Variants in NTM observed in about 807,000 individuals in gnomAD.
The protein encoded by NTM is IgLON family member 2.
Under a neutral mutation model 42.1 loss-of-function variants are expected in NTM, and 13 were observed. The ratio of observed to expected loss-of-function variants is 0.31; its 90% CI spans 0.20 to 0.49. The LOEUF (loss-of-function observed/expected upper bound fraction) is 0.49. Among genes scored for constraint, NTM ranks in the 20% least tolerant of loss-of-function variants. The pLI is 0.99. For missense variants in NTM, 373 were observed against 452.8 expected, an observed-to-expected ratio of 0.82 and a Z score of 1.60; for synonymous variants, 187 against 179.2, an observed-to-expected ratio of 1.04 and a Z score of -0.35.
At chr11:131,428,262 C>A (rs1251199872) in intron 1 of NTM, among the ~76,000 whole-genome samples, 2 of 152,336 alleles carry the variant, frequency 1.3e-5, no homozygotes, top group Middle Eastern at 3.4e-3. Flanking sequence ...CTCTGCCCAC[C>A]TCCTTATTCA....
At chr11:132,276,080 G>A (rs140821849) in intron 4 of NTM, among the ~76,000 whole-genome samples, 5 of 151,706 alleles carry the variant, frequency 3.3e-5, no homozygotes, top group African/African-American at 9.7e-5. Context: ...CTACATATAT[G>A]TGAGATCATG....
intron 1 of NTM, among the ~76,000 whole-genome samples, chr11:131,876,334 G>A (rs1441516694): frequency 6.6e-6 from 1 of 152,184 alleles, no homozygotes; most frequent in Admixed American, 6.5e-5. Flanking sequence ...AGATGCCAGT[G>A]ATAAACAAGC....
chr11:131,562,077 G>T (rs1290316507), intron 1 of NTM, among the ~76,000 whole-genome samples: 2 of 152,124 alleles, frequency 1.3e-5, no homozygotes, highest in Non-Finnish European at 2.9e-5. Context: ...GCAATTCAAA[G>T]TGTTTTATAA....
chr11:132,225,368 A>T (rs2086005047), intron 4 of NTM, among the ~76,000 whole-genome samples: 1 of 151,888 alleles, frequency 6.6e-6, no homozygotes, highest in African/African-American at 2.4e-5. Context: ...TTAGAGAGTG[A>T]CTTTAGTGCT....
chr11:131,530,682 G>A (rs2051137480), intron 1 of NTM, among the ~76,000 whole-genome samples: 1 of 152,122 alleles, frequency 6.6e-6, no homozygotes, highest in Non-Finnish European at 1.5e-5. Flanking sequence ...GCCAAGAAAG[G>A]GATTTCAGCA....
chr11:131,436,381 C>T (rs1306499487), intron 1 of NTM, among the ~76,000 whole-genome samples: 7 of 152,068 alleles, frequency 4.6e-5, no homozygotes, highest in South Asian at 4.1e-4. Flanking sequence ...TTTGTACCTC[C>T]GGTAGGATTC....
Position 132,134,010 on chromosome 11 carries a change from G to C in NTM, c.168-12272G>C, listed in dbSNP as rs190264509. The stretch of plus-strand genomic sequence containing the variant: ...AGCCACACCCAAATCTTTATTCTTT[G>C]TTTGTTTAATTAATTAATTAATTTT... On this transcript the variant is annotated intron_variant, in intron 2 of 8. Coordinates refer to ENST00000683400, the MANE Select transcript of NTM (RefSeq NM_001352005.2). Among the ~76,000 whole-genome samples, 5 of 152,122 alleles carry C rather than the reference G, an allele frequency of 3.3e-5. No individual in the cohort carries two copies. The East Asian group carries it at 7.7e-4, about 24-fold the overall frequency.
chr11:132,127,187 G>A (rs906059400), intron 2 of NTM, among the ~76,000 whole-genome samples: 1 of 152,138 alleles, frequency 6.6e-6, no homozygotes, highest in African/African-American at 2.4e-5. Flanking sequence ...GGCAGAAAAG[G>A]GAGCTCGTTC....
chr11:131,817,083 G>A (rs946079614), intron 1 of NTM, among the ~76,000 whole-genome samples: 1 of 151,998 alleles, frequency 6.6e-6, no homozygotes, highest in East Asian at 1.9e-4. Context: ...GGGCACATGG[G>A]GCTGCATCTT....
At chr11:131,920,378 A>C (rs1370413622) in intron 2 of NTM, among the ~76,000 whole-genome samples, 4 of 152,186 alleles carry the variant, frequency 2.6e-5, no homozygotes. Context: ...ATAGAGAAGG[A>C]GGCTTCTTTG....
intron 1 of NTM, chr11:131,385,157 G>A (rs1342048895): frequency 6.6e-6 from 1 of 152,236 alleles, no homozygotes; most frequent in Non-Finnish European, 1.5e-5. Flanking sequence ...GCATGTGGGA[G>A]ACTCACAATC....
At chr11:131,592,762 G>T (rs2059490377) in intron 1 of NTM, among the ~76,000 whole-genome samples, 1 of 151,096 alleles carries the variant, frequency 6.6e-6, no homozygotes, top group Non-Finnish European at 1.5e-5. Context: ...TCTCTACCTG[G>T]TCTCCTTGCC....
intron 2 of NTM, among the ~76,000 whole-genome samples, chr11:132,023,751 G>C (rs1233629246): frequency 6.6e-6 from 1 of 151,598 alleles, no homozygotes; most frequent in Non-Finnish European, 1.5e-5. Flanking sequence ...GTTGGTGGTG[G>C]TTTTGTTGTT....
intron 2 of NTM, among the ~76,000 whole-genome samples, chr11:132,087,952 G>C (rs541737799): frequency 4.9e-4 from 75 of 152,306 alleles, no homozygotes; most frequent in African/African-American, 1.7e-3. Flanking sequence ...AGGCCCCCTT[G>C]GGTCCCCGGC....
intron 2 of NTM, among the ~76,000 whole-genome samples, chr11:132,142,665 G>T (rs1436315550): frequency 1.3e-5 from 2 of 152,148 alleles, no homozygotes; most frequent in East Asian, 3.9e-4. Flanking sequence ...CAGCAAGACT[G>T]ATACCCAGCA....
At chr11:131,592,593 G>A (rs890492314) in intron 1 of NTM, among the ~76,000 whole-genome samples, 5 of 147,572 alleles carry the variant, frequency 3.4e-5, no homozygotes, top group African/African-American at 5.0e-5. Context: ...ACCACGACCT[G>A]AAATTTCCTC....
intron 4 of NTM, among the ~76,000 whole-genome samples, chr11:132,268,747 A>C (rs555951356): frequency 1.3e-5 from 2 of 151,964 alleles, no homozygotes; most frequent in Admixed American, 1.3e-4. Context: ...ATTTTTAAAG[A>C]TAGGTCTGAG....
intron 1 of NTM, among the ~76,000 whole-genome samples, chr11:131,638,853 G>T (rs374065907): frequency 4.0e-5 from 6 of 150,178 alleles, no homozygotes; most frequent in African/African-American, 1.2e-4. Context: ...ACTTCTCCCT[G>T]TACACCATAT....
chr11:131,712,017 G>T (rs1019103353), intron 1 of NTM, among the ~76,000 whole-genome samples: 2 of 148,194 alleles, frequency 1.3e-5, no homozygotes, highest in African/African-American at 2.5e-5. Context: ...AGCATTAGGA[G>T]GTATACCTAA....
Sources: gnomAD v4.1 joint callset for allele counts (sites outside exome capture counted in the v4.1 genomes callset) on GRCh38, gnomAD v4.1.1 for gene constraint, MANE v1.5 for transcripts, NCBI Gene and HGNC (gene_info 2026-07-23, HGNC 2026-07-21) for gene names.